NFIA: variants seen among roughly 807,000 people sequenced by gnomAD.
NFIA encodes nuclear factor I A.
A neutral mutation model predicts 62.8 loss-of-function variants in NFIA; 8 were observed. The ratio of observed to expected loss-of-function variants is 0.13; its 90% CI spans 0.07 to 0.23. NFIA has a LOEUF of 0.23. NFIA is among the 10% of genes least tolerant of loss of function. The probability of loss-of-function intolerance (pLI) is 1.00; values close to 1 mark genes in which losing one functional copy is unlikely to be tolerated. For synonymous variants in NFIA, 235 were observed against 238.1 expected (o/e 0.99, Z 0.12); for missense variants, 410 against 642.1 (o/e 0.64, Z 3.91).
At chr1:61,428,860 G>A (rs1483047134) in intron 10 of NFIA, among the ~76,000 whole-genome samples, 1 of 152,032 alleles carries the variant, frequency 6.6e-6, no homozygotes, top group East Asian at 1.9e-4. Context: ...TATATTAATT[G>A]AATTACAGGA....
At chr1:61,101,506 C>T (rs1223121569) in intron 2 of NFIA, among the ~76,000 whole-genome samples, 2 of 151,504 alleles carry the variant, frequency 1.3e-5, no homozygotes, top group African/African-American at 4.9e-5. Context: ...TCTAGTAATG[C>T]TGAAATATAA....
chr1:61,084,782 T>C (rs1360677860), intron 1 of NFIA, among the ~76,000 whole-genome samples: 1 of 152,128 alleles, frequency 6.6e-6, no homozygotes, highest in East Asian at 1.9e-4. Flanking sequence ...CATGCAGGCC[T>C]AGGGCACAGT....
intron 9 of NFIA, among the ~76,000 whole-genome samples, chr1:61,413,305 C>A (rs560501659): frequency 1.3e-5 from 2 of 152,082 alleles, no homozygotes; most frequent in African/African-American, 4.8e-5. Flanking sequence ...TAAAATTTCT[C>A]GTATAATAAT....
chr1:61,370,727 C>T (rs1035048308), intron 6 of NFIA, among the ~76,000 whole-genome samples: 12 of 152,116 alleles, frequency 7.9e-5, no homozygotes, highest in African/African-American at 2.9e-4. Context: ...ACTGGCTTTC[C>T]AGACAGCTGT....
intron 10 of NFIA, among the ~76,000 whole-genome samples, chr1:61,432,147 G>C (rs1192140041): frequency 6.6e-6 from 1 of 152,050 alleles, no homozygotes; most frequent in Non-Finnish European, 1.5e-5. Flanking sequence ...AGCAGAAGAG[G>C]CTGGATAGTT....
In NFIA at chr1:61,336,470, G is replaced by A. The variant is rs886988558; in HGVS notation, c.700+3884G>A. Among the ~76,000 whole-genome samples, 32 of 152,060 alleles carry A rather than the reference G, an allele frequency of 2.1e-4. 1 individual carries two copies. On this transcript the variant is annotated intron_variant, in intron 4 of 10. Coordinates refer to ENST00000403491, the MANE Select transcript of NFIA (RefSeq NM_001134673.4). ...AACAGTTTCCCCTATTGTTAACATCGTTTGTTAGTGTGGTACATTTGTTAA... is the reference window on the plus strand; with the variant it reads ...AACAGTTTCCCCTATTGTTAACATCATTTGTTAGTGTGGTACATTTGTTAA...
chr1:61,402,303 G>T (rs532677319), intron 7 of NFIA, among the ~76,000 whole-genome samples: 5 of 152,146 alleles, frequency 3.3e-5, no homozygotes, highest in Non-Finnish European at 7.4e-5. Context: ...CTCCCAAATT[G>T]CTGGGATTAC....
At chr1:61,247,931 T>C (rs1205680400) in intron 2 of NFIA, among the ~76,000 whole-genome samples, 4 of 152,202 alleles carry the variant, frequency 2.6e-5, no homozygotes, top group Non-Finnish European at 5.9e-5. Flanking sequence ...TGAGCTTTTT[T>C]GTTTTTTGGT....
intron 2 of NFIA, among the ~76,000 whole-genome samples, chr1:61,137,930 C>G (rs1460375683): frequency 6.7e-6 from 1 of 148,814 alleles, no homozygotes; most frequent in Non-Finnish European, 1.5e-5. Flanking sequence ...CATTTTCTTT[C>G]TCTCTCTCTC....
At chr1:61,318,970 C>T (rs1423495004) in intron 3 of NFIA, among the ~76,000 whole-genome samples, 1 of 152,104 alleles carries the variant, frequency 6.6e-6, no homozygotes, top group Non-Finnish European at 1.5e-5. Context: ...ACCAAAACAA[C>T]GTAAATGAGT....
At chr1:61,427,642 G>A (rs1389075607) in intron 10 of NFIA, among the ~76,000 whole-genome samples, 1 of 152,152 alleles carries the variant, frequency 6.6e-6, no homozygotes, top group Non-Finnish European at 1.5e-5. Context: ...TATGTCGACA[G>A]CACAGGTTAA....
intron 2 of NFIA, among the ~76,000 whole-genome samples, chr1:61,218,438 C>T (rs747019257): frequency 1.2e-4 from 18 of 152,188 alleles, no homozygotes; most frequent in Non-Finnish European, 1.9e-4. Context: ...ATAAAATCCA[C>T]GGATGCTCAA....
chr1:61,197,374 G>A (rs1652102689), intron 2 of NFIA, among the ~76,000 whole-genome samples: 1 of 151,344 alleles, frequency 6.6e-6, no homozygotes, highest in Non-Finnish European at 1.5e-5. Flanking sequence ...GAGTAGCTGG[G>A]ATTACAGGCG....
chr1:61,083,412 ATTGT>A (rs1459761829), intron 1 of NFIA, among the ~76,000 whole-genome samples: 1 of 151,964 alleles, frequency 6.6e-6, no homozygotes, highest in East Asian at 1.9e-4. Flanking sequence ...ACTTTTGTTT[ATTGT>A]TTGTCAGCCT....
intron 10 of NFIA, among the ~76,000 whole-genome samples, chr1:61,455,030 T>C (rs1165135534): frequency 6.6e-6 from 1 of 152,210 alleles, no homozygotes; most frequent in African/African-American, 2.4e-5. Flanking sequence ...AAAACCCTTA[T>C]TTGTATTTCA....
At chr1:61,250,882 C>G (rs1223113880) in intron 2 of NFIA, 3 of 152,148 alleles carry the variant, frequency 2.0e-5, no homozygotes, top group African/African-American at 7.2e-5. Context: ...TTGAGTTCAT[C>G]TGGGCCCTAG....
At chr1:61,147,890 T>C (rs950713657) in intron 2 of NFIA, among the ~76,000 whole-genome samples, 4 of 152,188 alleles carry the variant, frequency 2.6e-5, no homozygotes, top group Non-Finnish European at 4.4e-5. Flanking sequence ...GCAATTAATA[T>C]TGACGAGTGG....
chr1:61,098,722 C>T (rs1310791839), intron 2 of NFIA, among the ~76,000 whole-genome samples: 27 of 152,148 alleles, frequency 1.8e-4, no homozygotes, highest in Non-Finnish European at 1.3e-4. Flanking sequence ...TCAGTAACTA[C>T]AGTTTTAAAA....
At chr1:61,107,884 T>G (rs1453720948) in intron 2 of NFIA, among the ~76,000 whole-genome samples, 2 of 151,680 alleles carry the variant, frequency 1.3e-5, no homozygotes, top group African/African-American at 4.8e-5. Context: ...ATGGACAGTT[T>G]TCACTTTATC....
Sources: gnomAD v4.1 joint callset for allele counts (sites outside exome capture counted in the v4.1 genomes callset) on GRCh38, gnomAD v4.1.1 for gene constraint, MANE v1.5 for transcripts, NCBI Gene and HGNC (gene_info 2026-07-23, HGNC 2026-07-21) for gene names.